The following ADK variants were observed in gnomAD, a reference collection of about 807,000 sequenced individuals.
ADK encodes the protein N6,N6-dimethyladenosine kinase.
Under a neutral mutation model 44.7 loss-of-function variants are expected in ADK, and 24 were observed. That is an observed-to-expected ratio of 0.54 (90% confidence interval 0.39 to 0.76). The LOEUF is 0.76. Ranked by LOEUF, ADK falls within the 30% of genes least tolerant of loss-of-function variation. The pLI is 0.00. For synonymous variants in ADK, 128 were observed against 142.6 expected, an observed-to-expected ratio of 0.90 and a Z score of 0.73; for missense variants, 321 against 425.1, an observed-to-expected ratio of 0.76 and a Z score of 2.15.
At chr10:74,160,713 GTGTGTA>G (rs907866139) in intron 1 of ADK, among the ~76,000 whole-genome samples, 18 of 150,196 alleles carry the variant, frequency 1.2e-4, no homozygotes, top group African/African-American at 4.2e-4. Context: ...GTGTGTGTGT[GTGTGTA>G]TGTGTGTGTG....
intron 6 of ADK, among the ~76,000 whole-genome samples, chr10:74,501,781 A>C (rs1798980969): frequency 6.6e-6 from 1 of 152,186 alleles, no homozygotes. Context: ...TTCCATTTAT[A>C]TGAAGTATCC....
intron 10 of ADK, among the ~76,000 whole-genome samples, chr10:74,704,065 A>C (rs1589384078): frequency 6.6e-6 from 1 of 152,222 alleles, no homozygotes; most frequent in Non-Finnish European, 1.5e-5. Context: ...CATTATGCTA[A>C]GTGAAATAAG....
chr10:74,307,825 G>A (rs1840307987), intron 3 of ADK, among the ~76,000 whole-genome samples: 1 of 152,160 alleles, frequency 6.6e-6, no homozygotes, highest in East Asian at 1.9e-4. Flanking sequence ...AGTAAGGGAG[G>A]TGGAGTGTAT....
chr10:74,284,519 C>G (rs1213452293), intron 3 of ADK, among the ~76,000 whole-genome samples: 1 of 152,230 alleles, frequency 6.6e-6, no homozygotes, highest in Non-Finnish European at 1.5e-5. Flanking sequence ...CTGCTTCGGC[C>G]TCGCCAAGTG....
At chr10:74,414,089 G>T (rs542227004) in intron 6 of ADK, among the ~76,000 whole-genome samples, 345 of 152,110 alleles carry the variant, frequency 2.3e-3, no homozygotes, top group African/African-American at 7.3e-3. Flanking sequence ...CACTATAAAA[G>T]ATATAAAAGT....
intron 4 of ADK, among the ~76,000 whole-genome samples, chr10:74,343,460 T>C (rs1342659779): frequency 6.6e-6 from 1 of 152,168 alleles, no homozygotes; most frequent in Non-Finnish European, 1.5e-5. Flanking sequence ...ATTGTCTTCA[T>C]GTTGGGTTGG....
intron 9 of ADK, among the ~76,000 whole-genome samples, chr10:74,657,420 ATTTACT>A (rs1854528506): frequency 6.6e-6 from 1 of 152,192 alleles, no homozygotes; most frequent in East Asian, 1.9e-4. Context: ...CAATTGTATG[ATTTACT>A]TTTATACAAG....
At chr10:74,205,773 A>G (rs1843574015) in intron 2 of ADK, among the ~76,000 whole-genome samples, 1 of 152,074 alleles carries the variant, frequency 6.6e-6, no homozygotes, top group Non-Finnish European at 1.5e-5. Flanking sequence ...TTATCTCAAT[A>G]GACAAAGAAA....
intron 4 of ADK, among the ~76,000 whole-genome samples, chr10:74,354,892 CT>C (rs1378216721): frequency 6.6e-6 from 1 of 152,238 alleles, no homozygotes; most frequent in African/African-American, 2.4e-5. Flanking sequence ...CTTCCACTCA[CT>C]GCTTCCACTA....
intron 1 of ADK, among the ~76,000 whole-genome samples, chr10:74,157,799 G>A (rs897649595): frequency 7.2e-5 from 11 of 152,256 alleles, no homozygotes; most frequent in East Asian, 3.9e-4. Context: ...GGCTGAGGCA[G>A]GAGAATCTCT....
chr10:74,412,707 A>G (rs1375551906), intron 6 of ADK, among the ~76,000 whole-genome samples: 1 of 152,190 alleles, frequency 6.6e-6, no homozygotes, highest in Non-Finnish European at 1.5e-5. Flanking sequence ...ATGAGCAGTA[A>G]TATTTTAAAG....
intron 4 of ADK, among the ~76,000 whole-genome samples, chr10:74,359,613 A>C (rs1437224023): frequency 1.3e-5 from 2 of 152,108 alleles, no homozygotes; most frequent in Admixed American, 1.3e-4. Context: ...GGGAGGCTGA[A>C]GCAGGAGGAT....
intron 9 of ADK, among the ~76,000 whole-genome samples, chr10:74,623,038 C>T (rs527807839): frequency 6.6e-6 from 1 of 152,082 alleles, no homozygotes; most frequent in Admixed American, 6.5e-5. Flanking sequence ...AAAAAAAGAA[C>T]CCGGCTTCTT....
chr10:74,512,724 T>A (rs1848389325), intron 6 of ADK, among the ~76,000 whole-genome samples: 1 of 48,508 alleles, frequency 2.1e-5, no homozygotes, highest in Non-Finnish European at 3.9e-5. Flanking sequence ...GCTTTTTGTT[T>A]TGTTGATCTT....
chr10:74,222,593 A>T (rs1011257659), intron 2 of ADK, among the ~76,000 whole-genome samples: 1 of 152,216 alleles, frequency 6.6e-6, no homozygotes, highest in Non-Finnish European at 1.5e-5. Flanking sequence ...TAACAATAGC[A>T]AAGACTTGGA....
In ADK at chr10:74,348,173, A is replaced by T. The variant is rs369042740; in HGVS notation, c.273+33428A>T. 7.2e-5 allele frequency among the ~76,000 whole-genome samples: 11 copies of T among 152,266 alleles called. No individual in the cohort carries two copies. In the East Asian group the frequency reaches 1.4e-3, roughly 19 times the overall value. On this transcript the variant is annotated intron_variant, in intron 4 of 10. Transcript: ENST00000539909. ...GCCAACAGGGGCCAACAGACACCTCAAACAGGAGAGCTCTGGCTGGCATCA... is the reference window on the plus strand; with the variant it reads ...GCCAACAGGGGCCAACAGACACCTCTAACAGGAGAGCTCTGGCTGGCATCA...
chr10:74,466,648 T>G (rs1846368647), intron 6 of ADK, among the ~76,000 whole-genome samples: 2 of 152,124 alleles, frequency 1.3e-5, no homozygotes, highest in Non-Finnish European at 2.9e-5. Context: ...GCAGCAGCCT[T>G]TTGAGATCAA....
At chr10:74,203,543 A>G (rs1016214268) in intron 2 of ADK, among the ~76,000 whole-genome samples, 4 of 151,752 alleles carry the variant, frequency 2.6e-5, no homozygotes, top group African/African-American at 9.7e-5. Context: ...TTTTTTTTGT[A>G]TAAACAGGGT....
chr10:74,548,753 T>C (rs1157798250), intron 7 of ADK, among the ~76,000 whole-genome samples: 1 of 152,214 alleles, frequency 6.6e-6, no homozygotes, highest in Admixed American at 6.5e-5. Context: ...CACTGCTGTA[T>C]CCCCGATCCC....
Sources: gnomAD v4.1 joint callset for allele counts (sites outside exome capture counted in the v4.1 genomes callset) on GRCh38, gnomAD v4.1.1 for gene constraint, MANE v1.5 for transcripts, NCBI Gene and HGNC (gene_info 2026-07-23, HGNC 2026-07-21) for gene names.